Variants in ROBO2 observed in about 807,000 individuals in gnomAD.
ROBO2 encodes roundabout homolog 2.
Under a neutral mutation model 160.8 loss-of-function variants are expected in ROBO2, and 53 were observed. That is an observed-to-expected ratio of 0.33 (90% CI 0.26 to 0.41). The LOEUF is 0.41. ROBO2 is among the 10% of genes least tolerant of loss of function. ROBO2 has a pLI of 1.00. For synonymous variants in ROBO2, 664 were observed against 611.7 expected, an observed-to-expected ratio of 1.09 and a Z score of -1.26; for missense variants, 1,577 against 1,722.4, an observed-to-expected ratio of 0.92 and a Z score of 1.49.
intron 2 of ROBO2, among the ~76,000 whole-genome samples, chr3:77,108,766 G>A (rs1361644562): frequency 6.6e-6 from 1 of 152,142 alleles, no homozygotes; most frequent in African/African-American, 2.4e-5. Flanking sequence ...GTTGTGCTTG[G>A]CCAGATTTCG....
chr3:77,037,301 T>C (rs970424074), upstream of ROBO2, among the ~76,000 whole-genome samples: 2 of 152,064 alleles, frequency 1.3e-5, no homozygotes, highest in African/African-American at 4.8e-5. Context: ...GCAGAAAACA[T>C]GGATTCCAAA....
At chr3:76,991,639 T>A (rs1238973035) in intron 2 of ROBO2, among the ~76,000 whole-genome samples, 2 of 152,196 alleles carry the variant, frequency 1.3e-5, no homozygotes, top group Non-Finnish European at 2.9e-5. Context: ...AAAGAAAAAG[T>A]ATTCTTTACC....
At chr3:76,752,437 C>CCA (rs766216567) in intron 2 of ROBO2, among the ~76,000 whole-genome samples, 1 of 125,656 alleles carries the variant, frequency 8.0e-6, no homozygotes, top group East Asian at 2.2e-4. Flanking sequence ...AAGTATAAAA[C>CCA]AAAAAAAAAA....
At chr3:77,583,409 G>A (rs1226826303) in intron 16 of ROBO2, among the ~76,000 whole-genome samples, 1 of 151,732 alleles carries the variant, frequency 6.6e-6, no homozygotes, top group African/African-American at 2.4e-5. Context: ...GTTTGCAATG[G>A]GAGTGCATAT....
chr3:77,629,381 T>C (rs914008374), intron 23 of ROBO2: 6 of 152,028 alleles, frequency 3.9e-5, no homozygotes, highest in African/African-American at 1.5e-4. Context: ...CTATGCTAGA[T>C]CCTCAGGCTG....
chr3:77,013,652 C>T (rs1019076588), intron 2 of ROBO2, among the ~76,000 whole-genome samples: 3 of 149,052 alleles, frequency 2.0e-5, no homozygotes, highest in Non-Finnish European at 4.4e-5. Context: ...GTAAGAATTG[C>T]CTTTAAAAAA....
At chr3:77,167,157 G>A (rs1462430380) in intron 2 of ROBO2, among the ~76,000 whole-genome samples, 2 of 152,114 alleles carry the variant, frequency 1.3e-5, no homozygotes, top group African/African-American at 4.8e-5. Flanking sequence ...AAATTGACTG[G>A]ATTATCTTCC....
rs555356861 is a variant in ROBO2, at chr3:77,477,670, A to T, written c.546+99A>T. 79 of 1,221,388 alleles carry T rather than the reference A, an allele frequency of 6.5e-5. No homozygotes were observed. The East Asian group carries it at 1.9e-3, about 30-fold the overall frequency. The allele number at this position is 1,221,388 out of a possible 1,614,324, so 75.7% of individuals were successfully genotyped here. On this transcript the variant is annotated intron_variant, in intron 3 of 25. Coordinates refer to ENST00000461745, the Ensembl canonical transcript of ROBO2. ...TCTTTAACATTATTAATACAATTGT[A>T]TTTGAATGTTAATTACAATTTATAC...
intron 2 of ROBO2, among the ~76,000 whole-genome samples, chr3:76,091,538 C>G (rs1037160779): frequency 1.3e-5 from 2 of 152,052 alleles, no homozygotes; most frequent in Admixed American, 1.3e-4. Context: ...CAAAACTAAC[C>G]GGCTCTTATC....
At chr3:77,358,400 A>G (rs1331010480) in intron 2 of ROBO2, among the ~76,000 whole-genome samples, 2 of 152,178 alleles carry the variant, frequency 1.3e-5, no homozygotes, top group Admixed American at 1.3e-4. Context: ...ATGTGACATC[A>G]TCATAACTAA....
At chr3:77,164,577 G>A (rs75645095) in intron 2 of ROBO2, among the ~76,000 whole-genome samples, 1 of 141,966 alleles carries the variant, frequency 7.0e-6, no homozygotes, top group Non-Finnish European at 1.6e-5. Flanking sequence ...CCGTCCGGGA[G>A]GTGAGGGGCG....
chr3:76,522,063 G>C (rs891018660), intron 2 of ROBO2, among the ~76,000 whole-genome samples: 8 of 152,112 alleles, frequency 5.3e-5, no homozygotes, highest in Non-Finnish European at 1.0e-4. Context: ...AAATTGACTA[G>C]TTTGGTAATA....
intron 2 of ROBO2, among the ~76,000 whole-genome samples, chr3:76,043,472 C>T (rs750439984): frequency 2.6e-5 from 4 of 151,568 alleles, no homozygotes; most frequent in Non-Finnish European, 4.4e-5. Context: ...CTGAATTTCC[C>T]TTAGTCCTGC....
chr3:76,529,510 AG>A (rs2082114302), intron 2 of ROBO2, among the ~76,000 whole-genome samples: 1 of 152,180 alleles, frequency 6.6e-6, no homozygotes, highest in Non-Finnish European at 1.5e-5. Context: ...AGCTGCACTG[AG>A]AAAGATCTGC....
intron 2 of ROBO2, among the ~76,000 whole-genome samples, chr3:76,447,783 A>G (rs2109223069): frequency 6.6e-6 from 1 of 151,436 alleles, no homozygotes; most frequent in African/African-American, 2.4e-5. Flanking sequence ...TCAGCAAACT[A>G]TCACAAGGAC....
At chr3:76,304,365 A>G (rs901188831) in intron 2 of ROBO2, among the ~76,000 whole-genome samples, 8 of 152,222 alleles carry the variant, frequency 5.3e-5, no homozygotes, top group Admixed American at 2.6e-4. Context: ...TTTGGCTTGC[A>G]TAGTCAAAAT....
intron 2 of ROBO2, among the ~76,000 whole-genome samples, chr3:76,754,339 A>G (rs2060844624): frequency 6.6e-6 from 1 of 151,884 alleles, no homozygotes; most frequent in Non-Finnish European, 1.5e-5. Context: ...TAGTATCTGG[A>G]CAGAAGCCTC....
intron 2 of ROBO2, among the ~76,000 whole-genome samples, chr3:77,384,871 T>C (rs912179834): frequency 6.6e-6 from 1 of 152,178 alleles, no homozygotes; most frequent in East Asian, 1.9e-4. Context: ...CTTCCCCCAT[T>C]GTTACCTCTA....
intron 13 of ROBO2, among the ~76,000 whole-genome samples, chr3:77,570,838 G>A (rs1165691231): frequency 6.6e-6 from 1 of 151,986 alleles, no homozygotes; most frequent in African/African-American, 2.4e-5. Context: ...TGGGCCAGCT[G>A]AGGAAGTTTC....
Sources: gnomAD v4.1 joint callset for allele counts (sites outside exome capture counted in the v4.1 genomes callset) on GRCh38, gnomAD v4.1.1 for gene constraint, MANE v1.5 for transcripts, NCBI Gene and HGNC (gene_info 2026-07-23, HGNC 2026-07-21) for gene names.